The following SEM1 variants were observed in gnomAD, a reference collection of about 807,000 sequenced individuals.
The protein encoded by SEM1 is SEM1 26S proteasome subunit, also known as 26S proteasome complex subunit SEM1.
Under a neutral mutation model 12.7 loss-of-function variants are expected in SEM1, and 3 were observed. That is an observed-to-expected ratio of 0.24 (90% CI 0.11 to 0.61). The LOEUF (loss-of-function observed/expected upper bound fraction) is 0.61. Among genes scored for constraint, SEM1 ranks in the 20% least tolerant of loss-of-function variants. The pLI is 0.88. For synonymous variants in SEM1, 30 were observed against 27.8 expected, an observed-to-expected ratio of 1.08 and a Z score of -0.25; for missense variants, 59 against 81.3, an observed-to-expected ratio of 0.73 and a Z score of 1.06.
intron 2 of SEM1, among the ~76,000 whole-genome samples, chr7:96,663,801 A>G (rs1297769356): frequency 2.0e-5 from 3 of 152,328 alleles, no homozygotes; most frequent in East Asian, 1.9e-4. Context: ...AATTTCAAGA[A>G]AAAAATATAA....
intron 2 of SEM1, among the ~76,000 whole-genome samples, chr7:96,588,225 G>A (rs995578699): frequency 4.6e-5 from 7 of 151,762 alleles, no homozygotes. Context: ...GTGTCGTGGT[G>A]CATGCCTGTA....
At chr7:96,485,936 T>TG (rs1390380091) in intron 2 of SEM1, among the ~76,000 whole-genome samples, 5 of 152,132 alleles carry the variant, frequency 3.3e-5, no homozygotes, top group Non-Finnish European at 7.4e-5. Context: ...GGACTTTTTG[T>TG]GGGGGGTAAG....
intron 2 of SEM1, among the ~76,000 whole-genome samples, chr7:96,674,595 A>T (rs1411280832): frequency 3.9e-5 from 6 of 152,106 alleles, no homozygotes; most frequent in African/African-American, 1.4e-4. Flanking sequence ...TGGGCTCGGG[A>T]GGTCAAGACA....
chr7:96,587,367 C>T (rs1338022442), intron 2 of SEM1, among the ~76,000 whole-genome samples: 3 of 152,190 alleles, frequency 2.0e-5, no homozygotes, highest in Admixed American at 6.5e-5. Flanking sequence ...GGCTTCTGTT[C>T]TCTTCCTTGG....
intron 1 of SEM1, among the ~76,000 whole-genome samples, chr7:96,709,076 A>C (rs1333830040): frequency 6.6e-6 from 1 of 152,042 alleles, no homozygotes; most frequent in Admixed American, 6.6e-5. Flanking sequence ...CTTCCTCCCA[A>C]ACTGCTGCGA....
At chr7:96,682,045 T>A (rs1467249604) in intron 2 of SEM1, among the ~76,000 whole-genome samples, 1 of 152,166 alleles carries the variant, frequency 6.6e-6, no homozygotes, top group East Asian at 1.9e-4. Flanking sequence ...TTTGTTTGTG[T>A]CCTCTCTTAT....
chr7:96,645,855 C>A, intron 2 of SEM1: 1 of 398,394 alleles, frequency 2.5e-6, no homozygotes, highest in Non-Finnish European at 4.4e-6. Context: ...TAATGAAGGC[C>A]TGGACTCTGG....
intron 2 of SEM1, among the ~76,000 whole-genome samples, chr7:96,598,568 T>C (rs1807079905): frequency 6.6e-6 from 1 of 152,176 alleles, no homozygotes; most frequent in South Asian, 2.1e-4. Context: ...CTCTTTTCTT[T>C]CTAAGTTGTT....
chr7:96,481,998 A>G (rs1249803751), exon 4 of SEM1: 1 of 152,200 alleles, frequency 6.6e-6, no homozygotes, highest in Non-Finnish European at 1.5e-5. Context: ...GATTCTTGGC[A>G]TTATTGAGAA....
chr7:96,708,395 A>C (rs1312812364), intron 1 of SEM1, among the ~76,000 whole-genome samples: 2 of 152,248 alleles, frequency 1.3e-5, no homozygotes, highest in Non-Finnish European at 2.9e-5. Context: ...TTATAAATAG[A>C]ACAAATGTTC....
chr7:96,561,153 T>C (rs1170875428), intron 2 of SEM1, among the ~76,000 whole-genome samples: 1 of 152,168 alleles, frequency 6.6e-6, no homozygotes, highest in Non-Finnish European at 1.5e-5. Flanking sequence ...TTACTCTTTT[T>C]TAAGAAAATT....
intron 1 of SEM1, chr7:96,696,376 G>C (rs1359475813): frequency 6.6e-6 from 1 of 151,950 alleles, no homozygotes; most frequent in Non-Finnish European, 1.5e-5. Context: ...ACACTACTGA[G>C]TAAACAAAGA....
chr7:96,628,273 A>G (rs1309005923), intron 2 of SEM1, among the ~76,000 whole-genome samples: 2 of 151,982 alleles, frequency 1.3e-5, no homozygotes, highest in African/African-American at 4.8e-5. Flanking sequence ...TACTCCTGCC[A>G]TTTTGTTATT....
intron 2 of SEM1, among the ~76,000 whole-genome samples, chr7:96,568,439 A>G (rs916927963): frequency 3.3e-5 from 5 of 151,098 alleles, no homozygotes; most frequent in Non-Finnish European, 5.9e-5. Flanking sequence ...CATTCATTTC[A>G]CTCTTTTTTG....
chr7:96,606,091 T>C (rs1807369552), intron 2 of SEM1, among the ~76,000 whole-genome samples: 1 of 152,230 alleles, frequency 6.6e-6, no homozygotes, highest in South Asian at 2.1e-4. Context: ...CATATTGTTA[T>C]ACTTGTTCTA....
chr7:96,697,920 C>A (rs979181269), intron 1 of SEM1, among the ~76,000 whole-genome samples: 4 of 152,044 alleles, frequency 2.6e-5, no homozygotes, highest in African/African-American at 9.7e-5. Context: ...CACCCGTATA[C>A]CCTGCAGATC....
intron 2 of SEM1, among the ~76,000 whole-genome samples, chr7:96,628,825 G>A (rs969923308): frequency 6.6e-6 from 1 of 152,146 alleles, no homozygotes; most frequent in African/African-American, 2.4e-5. Flanking sequence ...AGTAGGATAG[G>A]TGTGGTGTTG....
chr7:96,582,660 G>A (rs1291385826), intron 2 of SEM1, among the ~76,000 whole-genome samples: 2 of 152,220 alleles, frequency 1.3e-5, no homozygotes, highest in Non-Finnish European at 2.9e-5. Context: ...TCCTGTTATT[G>A]GTCTATTCAG....
chr7:96,594,805 AAAT>A (rs1764096440), intron 2 of SEM1, among the ~76,000 whole-genome samples: 1 of 152,206 alleles, frequency 6.6e-6, no homozygotes, highest in South Asian at 2.1e-4. Context: ...AATTCAGAAA[AAAT>A]AATGGAATAT....
Sources: allele counts gnomAD v4.1 joint callset (sites outside exome capture counted in the v4.1 genomes callset), GRCh38; gene constraint gnomAD v4.1.1; transcripts MANE v1.5; gene names NCBI Gene and HGNC (gene_info 2026-07-23, HGNC 2026-07-21).